Variants in LINGO2 observed in about 807,000 individuals in gnomAD.
LINGO2 encodes leucine-rich repeat and immunoglobulin-like domain-containing nogo receptor-interacting protein 2.
A neutral mutation model predicts 30.6 loss-of-function variants in LINGO2; 14 were observed. That is an observed-to-expected ratio of 0.46 (90% CI 0.30 to 0.72). The LOEUF is 0.72. Ranked by LOEUF, LINGO2 falls within the 30% of genes least tolerant of loss-of-function variation. LINGO2 has a pLI of 0.07. For missense variants in LINGO2, 729 were observed against 751.7 expected (o/e 0.97, Z 0.35); for synonymous variants, 317 against 288.5 (o/e 1.10, Z -1.00).
chr9:28,522,354 C>G (rs1284215221), intron 1 of LINGO2, among the ~76,000 whole-genome samples: 4 of 152,074 alleles, frequency 2.6e-5, no homozygotes. Flanking sequence ...TCAGAATTTC[C>G]TCTTTATAAA....
At chr9:28,912,450 A>T in the LINGO2 span, among the ~76,000 whole-genome samples, 63 of 151,780 alleles carry the variant, frequency 4.2e-4, no homozygotes, top group African/African-American at 1.5e-3. Flanking sequence ...CTGGCAGGCA[A>T]CTCTTCTGTA....
the LINGO2 span, among the ~76,000 whole-genome samples, chr9:29,081,926 A>C: frequency 1.3e-5 from 2 of 152,274 alleles, no homozygotes; most frequent in East Asian, 3.9e-4. Flanking sequence ...ATGAAATAAA[A>C]GAGGACATAA....
At chr9:28,165,659 T>A (rs1228405519) in intron 4 of LINGO2, among the ~76,000 whole-genome samples, 1 of 152,204 alleles carries the variant, frequency 6.6e-6, no homozygotes, top group East Asian at 1.9e-4. Flanking sequence ...TTTCCCTTTT[T>A]TCCTGATTCC....
chr9:28,454,492 T>G (rs577369643), intron 2 of LINGO2, among the ~76,000 whole-genome samples: 2 of 151,982 alleles, frequency 1.3e-5, no homozygotes, highest in Admixed American at 6.6e-5. Context: ...TTAGAGGGCA[T>G]GGTAGACATG....
intron 4 of LINGO2, among the ~76,000 whole-genome samples, chr9:28,173,509 T>C (rs1587138031): frequency 6.6e-6 from 1 of 152,120 alleles, no homozygotes; most frequent in Non-Finnish European, 1.5e-5. Context: ...TAGAGACCAA[T>C]AGACCATAAG....
At chr9:28,779,102 T>C in the LINGO2 span, among the ~76,000 whole-genome samples, 92 of 152,322 alleles carry the variant, frequency 6.0e-4, no homozygotes, top group African/African-American at 2.1e-3. Context: ...GTGGCATCTG[T>C]TGTATAATGT....
the LINGO2 span, among the ~76,000 whole-genome samples, chr9:28,688,891 C>G: frequency 2.0e-5 from 3 of 152,086 alleles, no homozygotes; most frequent in Non-Finnish European, 4.4e-5. Context: ...TCTTTTTCCC[C>G]TTAGCTAATT....
chr9:28,446,082 G>T (rs557707900), intron 2 of LINGO2, among the ~76,000 whole-genome samples: 1 of 152,212 alleles, frequency 6.6e-6, no homozygotes, highest in East Asian at 1.9e-4. Flanking sequence ...ATAATTTGGG[G>T]AAATTTTTTT....
the LINGO2 span, among the ~76,000 whole-genome samples, chr9:29,169,834 C>A: frequency 1.3e-5 from 2 of 152,034 alleles, no homozygotes; most frequent in Admixed American, 6.5e-5. Context: ...CCCATCTCTA[C>A]TAAAAATACA....
chr9:28,915,432 T>C, the LINGO2 span, among the ~76,000 whole-genome samples: 2 of 152,238 alleles, frequency 1.3e-5, no homozygotes, highest in South Asian at 2.1e-4. Context: ...CTTAGTAACA[T>C]ATTCTAAGGA....
rs1564145625 is a variant in LINGO2, at chr9:28,355,317, CT to C, written c.-246+17518del. 3.4e-5 allele frequency among the ~76,000 whole-genome samples: 3 copies of C among 89,076 alleles called. No individual in the cohort carries two copies. In the East Asian group the frequency reaches 7.3e-4, roughly 22 times the overall value. The allele number at this position is 89,076 out of a possible 152,430, so 58.4% of individuals were successfully genotyped here. A position where few individuals can be genotyped will look rare whatever the true frequency, so the allele number is the denominator to read the frequency against. On this transcript the variant is annotated intron_variant, in intron 3 of 5. Coordinates refer to ENST00000379992, the Ensembl canonical transcript of LINGO2. ...TCTCTATGTCTCTCTCTCTCTCTCT[CT>C]CTCTCTCTGTCTCTGTCTCTCTCTC...
chr9:29,090,514 T>C, the LINGO2 span, among the ~76,000 whole-genome samples: 2 of 152,172 alleles, frequency 1.3e-5, no homozygotes, highest in East Asian at 3.9e-4. Context: ...CTTAATACAG[T>C]TATTGGCACA....
the LINGO2 span, among the ~76,000 whole-genome samples, chr9:28,704,736 C>G: frequency 6.6e-6 from 1 of 151,970 alleles, no homozygotes; most frequent in African/African-American, 2.4e-5. Context: ...TTTTTGAGCT[C>G]TACAATGATG....
At chr9:28,595,045 T>A (rs987496396) in intron 1 of LINGO2, among the ~76,000 whole-genome samples, 2 of 152,050 alleles carry the variant, frequency 1.3e-5, no homozygotes, top group Admixed American at 1.3e-4. Flanking sequence ...TCCATCACGA[T>A]CAGAATGGAT....
At chr9:28,040,595 A>T (rs911128937) in intron 4 of LINGO2, among the ~76,000 whole-genome samples, 1 of 152,118 alleles carries the variant, frequency 6.6e-6, no homozygotes, top group Non-Finnish European at 1.5e-5. Context: ...TCCAATACTA[A>T]CTGAGCGCTA....
At chr9:28,899,986 T>C in the LINGO2 span, among the ~76,000 whole-genome samples, 2 of 152,080 alleles carry the variant, frequency 1.3e-5, no homozygotes, top group South Asian at 4.1e-4. Context: ...TGTAATCAGG[T>C]TCCAGGTCAG....
At chr9:28,135,127 C>A (rs1827481893) in intron 4 of LINGO2, among the ~76,000 whole-genome samples, 1 of 151,958 alleles carries the variant, frequency 6.6e-6, no homozygotes, top group African/African-American at 2.4e-5. Flanking sequence ...TATGTCATAC[C>A]AATGAATAAA....
chr9:28,433,914 G>GCTCT (rs1481143895), intron 2 of LINGO2, among the ~76,000 whole-genome samples: 1 of 83,860 alleles, frequency 1.2e-5, no homozygotes. Flanking sequence ...AAGAAAATGT[G>GCTCT]CTCTCTCTTT....
chr9:28,655,705 G>C (rs1196154051), intron 1 of LINGO2, among the ~76,000 whole-genome samples: 1 of 151,962 alleles, frequency 6.6e-6, no homozygotes, highest in African/African-American at 2.4e-5. Context: ...CATGAGATCT[G>C]ATTGTTTTAT....
Sources: allele counts gnomAD v4.1 joint callset (sites outside exome capture counted in the v4.1 genomes callset), GRCh38; gene constraint gnomAD v4.1.1; transcripts MANE v1.5; gene names NCBI Gene and HGNC (gene_info 2026-07-23, HGNC 2026-07-21).